SMO: variants seen among roughly 807,000 people sequenced by gnomAD.
The protein encoded by SMO is protein smoothened.
Under a neutral mutation model 81.6 loss-of-function variants are expected in SMO, and 40 were observed. The ratio of observed to expected loss-of-function variants is 0.49; its 90% CI spans 0.38 to 0.64. The LOEUF (loss-of-function observed/expected upper bound fraction) is 0.64. Ranked by LOEUF, SMO falls within the 30% of genes least tolerant of loss-of-function variation. The pLI is 0.00. For missense variants in SMO, 916 were observed against 1,061.1 expected (o/e 0.86, Z 1.90); for synonymous variants, 434 against 432.1 (o/e 1.00, Z -0.05).
In SMO at chr7:129,206,599, C is replaced by T. The variant is rs2150650903; in HGVS notation, c.1264+12C>T. On this transcript the variant is annotated intron_variant, in intron 6 of 11. Coordinates refer to ENST00000249373, the MANE Select transcript of SMO (RefSeq NM_005631.5). This position sits in a 1 kb window ranked among gnomAD's most constrained non-coding sequence, Gnocchi z 4.4. Reference sequence around the variant, plus strand: ...CTTCCTCATCCGAGGTGAGTGAAGACCAGGCCAGGACCAGTTGGGCAACAA... The same window carrying T: ...CTTCCTCATCCGAGGTGAGTGAAGATCAGGCCAGGACCAGTTGGGCAACAA... 6.2e-7 allele frequency: 1 copy of T among 1,613,874 alleles called. No homozygotes were observed. The highest frequency in any genetic ancestry group is 8.5e-7 in the Non-Finnish European group (1 of 1,179,888).
chr7:129,201,238 G>A (rs1281791936), intron 1 of SMO, among the ~76,000 whole-genome samples: 3 of 151,874 alleles, frequency 2.0e-5, no homozygotes, highest in African/African-American at 4.8e-5. Context: ...GTAGAGACAG[G>A]GTTTCACCAT....
At chr7:129,209,163 C>T in intron 7 of SMO, 126 bp from the exon 8 acceptor site, 1 of 648,376 alleles carries the variant, frequency 1.5e-6, no homozygotes, top group Admixed American at 2.7e-5. Context: ...TGGACTGAGC[C>T]CAGCATGAGT....
chr7:129,195,957 C>T (rs1584655295), intron 1 of SMO, among the ~76,000 whole-genome samples: 1 of 151,742 alleles, frequency 6.6e-6, no homozygotes, highest in Non-Finnish European at 1.5e-5. Flanking sequence ...AAAAATTAGC[C>T]GGGCGCGGTG....
rs2150654392 is a variant in SMO at position 129,210,897 on chromosome 7, G to T, written c.1653-68G>T. 1 of 1,509,870 alleles carries T rather than the reference G, an allele frequency of 6.6e-7. No homozygotes were observed. Among genetic ancestry groups the T allele is most frequent in the Non-Finnish European group, 8.9e-7 (1 of 1,117,376 alleles). 93.5% of individuals were successfully genotyped at this position (1,509,870 alleles called of 1,614,324 possible). ...TTCTCTGGAAAGAATGGCATCGCTGGCCCTTCCCAAGATTTGATGGGAAGT... is the reference window on the plus strand; with the variant it reads ...TTCTCTGGAAAGAATGGCATCGCTGTCCCTTCCCAAGATTTGATGGGAAGT... On this transcript the variant is annotated intron_variant, in intron 9 of 11. Coordinates refer to ENST00000249373, the MANE Select transcript of SMO (RefSeq NM_005631.5). The surrounding 1 kb of genome is among the most constrained non-coding windows in gnomAD (Gnocchi z 4.7).
chr7:129,204,515 G>A (rs1793726244), intron 2 of SMO, among the ~76,000 whole-genome samples: 2 of 151,636 alleles, frequency 1.3e-5, no homozygotes, highest in Admixed American at 1.3e-4. Context: ...ACATGGTGGT[G>A]GGCACCTGTA....
chr7:129,206,104 G>T lies in SMO; in HGVS notation c.921-46G>T. On this transcript the variant is annotated intron_variant, in intron 4 of 11. Coordinates refer to ENST00000249373, the MANE Select transcript of SMO (RefSeq NM_005631.5). This position sits in a 1 kb window ranked among gnomAD's most constrained non-coding sequence, Gnocchi z 4.4. ...ACAGGGTGGGGAGACCAGGTAGAGG[G>T]AGTACAGAGTGACCGCCTCAAGTGA... 2 of 1,422,798 alleles carry T rather than the reference G, an allele frequency of 1.4e-6. No homozygotes were observed. The highest frequency in any genetic ancestry group is 1.9e-6 in the Non-Finnish European group (2 of 1,026,818). The allele number at this position is 1,422,798 out of a possible 1,614,324, so 88.1% of individuals were successfully genotyped here. A position where few individuals can be genotyped will look rare whatever the true frequency, so the allele number is the denominator to read the frequency against.
rs2150650480 is a variant in SMO, at chr7:129,206,400, G to A, written c.1140+31G>A. 1 of 1,614,066 alleles carries A rather than the reference G, an allele frequency of 6.2e-7. No individual in the cohort carries two copies. Reference sequence around the variant, plus strand: ...GTGACTGGTAGGAACGGGAGACCTGGATGGGGTGAGTTTGAGGGAGGGGGC... The same window carrying A: ...GTGACTGGTAGGAACGGGAGACCTGAATGGGGTGAGTTTGAGGGAGGGGGC... On this transcript the variant is annotated intron_variant, in intron 5 of 11. Coordinates refer to ENST00000249373, the MANE Select transcript of SMO (RefSeq NM_005631.5). This position sits in a 1 kb window ranked among gnomAD's most constrained non-coding sequence, Gnocchi z 4.4.
chr7:129,209,148 G>A, intron 7 of SMO, 141 bp from the exon 8 acceptor site: 1 of 630,936 alleles, frequency 1.6e-6, no homozygotes, highest in Non-Finnish European at 2.9e-6. Context: ...AGAGAAAGCA[G>A]TTCTTGGACT....
At chr7:129,201,092 G>T (rs551154108) in intron 1 of SMO, among the ~76,000 whole-genome samples, 1 of 152,138 alleles carries the variant, frequency 6.6e-6, no homozygotes, top group South Asian at 2.1e-4. Flanking sequence ...TGTCGCCTAG[G>T]CTGGAGTGCA....
At chr7:129,204,645 C>A (rs1793728667) in intron 2 of SMO, among the ~76,000 whole-genome samples, 1 of 148,956 alleles carries the variant, frequency 6.7e-6, no homozygotes, top group Non-Finnish European at 1.5e-5. Context: ...GACTCTGTCT[C>A]TCTCTTTCTA....
chr7:129,204,306 C>A (rs570690650), intron 2 of SMO, among the ~76,000 whole-genome samples: 199 of 151,734 alleles, frequency 1.3e-3, no homozygotes, highest in Non-Finnish European at 2.4e-3. Flanking sequence ...GAACTCCAGC[C>A]TGGGCTACAG....
rs1793903548 is a variant in SMO, at chr7:129,212,938, G to A, written c.*487G>A. ...ACTGTGTCATTAGTCCTTTGTCTAA[G>A]TAGGGCCAGGGCACCGTATTCCTCT... On this transcript the variant is annotated 3_prime_UTR_variant, in exon 12 of 12. Coordinates refer to ENST00000249373, the MANE Select transcript of SMO (RefSeq NM_005631.5). This position sits in a 1 kb window ranked among gnomAD's most constrained non-coding sequence, Gnocchi z 5.0. 1 of 264,982 alleles carries A rather than the reference G, an allele frequency of 3.8e-6. No individual in the cohort carries two copies. Among genetic ancestry groups the A allele is most frequent in the East Asian group, 5.5e-5 (1 of 18,272 alleles). The allele number at this position is 264,982 out of a possible 1,614,324, so 16.4% of individuals were successfully genotyped here. A position where few individuals can be genotyped will look rare whatever the true frequency, so the allele number is the denominator to read the frequency against.
In SMO at chr7:129,203,430, G is replaced by C. The variant is rs2150646549; in HGVS notation, c.378G>C (p.Leu126=). The change falls in exon 2 of 12, where the codon CTG becomes CTC. Residue 126 remains leucine, a synonymous_variant. Coordinates refer to ENST00000249373, the MANE Select transcript of SMO (RefSeq NM_005631.5). Reference sequence around the variant, plus strand: ...GCTGGGCAGTGATCCAGCCCCTGCTGTGTGCCGTATACATGCCCAAGTGTG... The same window carrying C: ...GCTGGGCAGTGATCCAGCCCCTGCTCTGTGCCGTATACATGCCCAAGTGTG... ...PRCWAVIQPL[L]CAVYMPKCEN... is the part of the protein sequence containing the mutation. 1 of 1,562,118 alleles carries C rather than the reference G, an allele frequency of 6.4e-7. No homozygotes were observed. The highest frequency in any genetic ancestry group is 8.7e-7 in the Non-Finnish European group (1 of 1,152,750).
At chr7:129,192,905 C>T (rs1389110968) in intron 1 of SMO, among the ~76,000 whole-genome samples, 1 of 152,152 alleles carries the variant, frequency 6.6e-6, no homozygotes, top group Non-Finnish European at 1.5e-5. Flanking sequence ...GCTTCCTTGG[C>T]CCTGACTACT....
rs2150648085 is a variant in SMO, at chr7:129,205,226, C to G, written c.561C>G (p.Phe187Leu). The G allele has an allele frequency of 6.2e-7, 1 of 1,614,136 alleles. No homozygotes were observed. Among genetic ancestry groups the G allele is most frequent in the Middle Eastern group, 1.6e-4 (1 of 6,062 alleles). Residue 187 changes from phenylalanine (F) to leucine (L), a missense_variant, in exon 3 of 12, where the codon TTC (phenylalanine) becomes TTG (leucine). By Grantham distance (22) the Phe-to-Leu change is conservative (BLOSUM62 0). Transcript: ENST00000249373. ...AGAATGAGGTGCAGAACATCAAGTT[C>G]AACAGTTCAGGCCAGTGCGAAGTGC... ...GCTNEVQNIK[F>L]NSSGQCEVPL...
intron 1 of SMO, among the ~76,000 whole-genome samples, chr7:129,194,264 C>G (rs1341328975): frequency 6.6e-6 from 1 of 151,788 alleles, no homozygotes; most frequent in Non-Finnish European, 1.5e-5. Flanking sequence ...CTGTGTTGCC[C>G]AGGCTGGAGT....
In SMO at chr7:129,188,921, TC is replaced by T; in HGVS notation, c.-228del. The T allele has an allele frequency of 2.9e-6, 1 of 340,152 alleles. No homozygotes were observed. Among genetic ancestry groups the T allele is most frequent in the Non-Finnish European group, 5.3e-6 (1 of 188,392 alleles). The allele number at this position is 340,152 out of a possible 1,614,324, so 21.1% of individuals were successfully genotyped here. A position where few individuals can be genotyped will look rare whatever the true frequency, so the allele number is the denominator to read the frequency against. Reference sequence around the variant, plus strand: ...AGGCTAGGGCTTGGGGAGTCGTGCATCCCGTTCCGGGCCTCCGCAGCCCAAC... The same window carrying T: ...AGGCTAGGGCTTGGGGAGTCGTGCATCCGTTCCGGGCCTCCGCAGCCCAAC... On this transcript the variant is annotated 5_prime_UTR_variant, in exon 1 of 12. Transcript: ENST00000249373. This position sits in a 1 kb window ranked among gnomAD's most constrained non-coding sequence, Gnocchi z 4.9.
chr7:129,189,657 C>G lies in SMO; in HGVS notation c.331+175C>G, dbSNP rs1381821291. ...CAGGTTACGTGCAGGATGGGACCCTCGGTCATGGGAAAAGGAGGGCAAGGA... is the reference window on the plus strand; with the variant it reads ...CAGGTTACGTGCAGGATGGGACCCTGGGTCATGGGAAAAGGAGGGCAAGGA... On this transcript the variant is annotated intron_variant, in intron 1 of 11. Coordinates refer to ENST00000249373, the MANE Select transcript of SMO (RefSeq NM_005631.5). This position sits in a 1 kb window ranked among gnomAD's most constrained non-coding sequence, Gnocchi z 4.7. Among the ~76,000 whole-genome samples the G allele has an allele frequency of 6.6e-6, 1 of 152,074 alleles. No individual in the cohort carries two copies. Among genetic ancestry groups the G allele is most frequent in the Non-Finnish European group, 1.5e-5 (1 of 68,012 alleles).
At position 129,203,479 on chromosome 7, in the gene SMO, A is replaced by G. The variant is rs2150646687; in HGVS notation, c.427A>G (p.Ser143Gly). The G allele has an allele frequency of 6.3e-7, 1 of 1,596,128 alleles. No homozygotes were observed. The highest frequency in any genetic ancestry group is 1.1e-5 in the South Asian group (1 of 88,108). ...TGAGAATGACCGGGTGGAGCTGCCC[A>G]GCCGTACCCTCTGCCAGGCCACCCG... The part of the protein sequence containing the change: ...KCENDRVELP[S>G]RTLCQATRGP... Residue 143 changes from serine to glycine, a missense_variant, in exon 2 of 12, where the codon AGC becomes GGC. Physicochemically the swap from Ser to Gly is moderately conservative, Grantham distance 56 (BLOSUM62 0). This residue lies in a region of SMO where 436 missense variants were observed against 570.9 expected (regional missense o/e 0.76). Coordinates refer to ENST00000249373, the MANE Select transcript of SMO (RefSeq NM_005631.5).
Sources: gnomAD v4.1 joint callset for allele counts (sites outside exome capture counted in the v4.1 genomes callset) on GRCh38, gnomAD v4.1.1 for gene constraint, gnomAD v4.1.1 regional missense constraint, Gnocchi (gnomAD v3.1) non-coding constraint, MANE v1.5 for transcripts, NCBI Gene and HGNC (gene_info 2026-07-23, HGNC 2026-07-21) for gene names.